SYTL2: variants seen among roughly 807,000 people sequenced by gnomAD.
SYTL2 encodes synaptotagmin-like protein 2.
SYTL2 carries 165 observed loss-of-function variants against 198.7 expected under a neutral mutation model. That is an observed-to-expected ratio of 0.83 (90% confidence interval 0.73 to 0.94). The LOEUF (loss-of-function observed/expected upper bound fraction) is 0.94, where lower values mean the gene tolerates loss of function less well. SYTL2 is among the 40% of genes least tolerant of loss of function. The probability of loss-of-function intolerance (pLI) is 0.00; values close to 1 mark genes in which losing one functional copy is unlikely to be tolerated. For synonymous variants in SYTL2, 966 were observed against 917.7 expected, an observed-to-expected ratio of 1.05 and a Z score of -0.95; for missense variants, 2,835 against 2,582.8, an observed-to-expected ratio of 1.10 and a Z score of -2.12.
chr11:85,730,503 T>C (rs887798204), intron 7 of SYTL2, among the ~76,000 whole-genome samples: 1 of 152,156 alleles, frequency 6.6e-6, no homozygotes, highest in Admixed American at 6.5e-5. Context: ...CACATGATTA[T>C]CTCAATAGAT....
chr11:85,727,154 C>T lies in SYTL2; in HGVS notation c.2204G>A (p.Ser735Asn). 1.3e-6 allele frequency: 2 copies of T among 1,536,426 alleles called. No homozygotes were observed. The highest frequency in any genetic ancestry group is 3.9e-5 in the Admixed American group (2 of 50,988). ...CAGGATATAGGTATTTCCTACTTTG[C>T]TCTTTCTCTCTGCATTCATGTTATC... ...LKDNMNAERKSKVGNTYILKA... is the reference protein window; with the variant it reads ...LKDNMNAERKNKVGNTYILKA... The change falls in exon 8 of 20, where the codon AGC becomes AAC. Residue 735 changes from serine (S) to asparagine (N), a missense_variant. Physicochemically the swap from Ser to Asn is conservative, Grantham distance 46. Around this residue, in one of 3 missense-constraint regions of SYTL2, gnomAD observed 2,645 missense variants for 2,381.7 expected, o/e 1.11. Transcript: ENST00000359152.
In SYTL2 at chr11:85,777,812, CT is replaced by C. The variant is rs57873368; in HGVS notation, c.-389-19699del. ...CTTACCAGAATTACAGGTCTTACTT[CT>C]TTTTTTTTTTTTTTTTTTTTTTTTG... On this transcript the variant is annotated intron_variant, in intron 1 of 19. Coordinates refer to ENST00000359152, the MANE Select transcript of SYTL2 (RefSeq NM_206927.4). Among the ~76,000 whole-genome samples, 336 of 63,316 alleles carry C rather than the reference CT, an allele frequency of 5.3e-3. 3 individuals are homozygous for C. The highest frequency in any genetic ancestry group is 0.017 in the African/African-American group (298 of 17,544). The allele number at this position is 63,316 out of a possible 152,430, so 41.5% of individuals were successfully genotyped here. A position where few individuals can be genotyped will look rare whatever the true frequency, so the allele number is the denominator to read the frequency against.
intron 1 of SYTL2, among the ~76,000 whole-genome samples, chr11:85,769,000 T>C (rs558015153): frequency 2.0e-5 from 3 of 152,078 alleles, no homozygotes; most frequent in Admixed American, 1.3e-4. Context: ...AGGCGCCTCA[T>C]TTATTGAGTA....
chr11:85,717,451 T>G, intron 11 of SYTL2, 32 bp downstream of exon 11: 1 of 1,584,032 alleles, frequency 6.3e-7, no homozygotes, highest in Non-Finnish European at 8.7e-7. Flanking sequence ...GTGGAATGTT[T>G]AGTCATTTGT....
intron 16 of SYTL2, among the ~76,000 whole-genome samples, chr11:85,701,024 T>C (rs1005056184): frequency 6.6e-6 from 1 of 152,218 alleles, no homozygotes; most frequent in African/African-American, 2.4e-5. Context: ...AGGCCATATC[T>C]TACATTTTCA....
At chr11:85,814,638 G>A (rs2093059414), upstream of SYTL2, among the ~76,000 whole-genome samples, 1 of 152,180 alleles carries the variant, frequency 6.6e-6, no homozygotes, top group African/African-American at 2.4e-5. Flanking sequence ...GTGGAAGGCT[G>A]GTGCTTTTAA....
intron 18 of SYTL2, among the ~76,000 whole-genome samples, chr11:85,696,726 A>T (rs2083460355): frequency 6.6e-6 from 1 of 152,210 alleles, no homozygotes; most frequent in Non-Finnish European, 1.5e-5. Flanking sequence ...ATTAGAATTA[A>T]ATAACATATG....
chr11:85,789,324 A>ATGTGTGTG (rs1173699592), intron 1 of SYTL2, among the ~76,000 whole-genome samples: 20 of 77,286 alleles, frequency 2.6e-4, no homozygotes, highest in African/African-American at 1.0e-3. Context: ...GTGTGTGTGT[A>ATGTGTGTG]TGTGTGTGTG....
the SYTL2 span, among the ~76,000 whole-genome samples, chr11:85,851,698 T>A: frequency 6.6e-6 from 1 of 152,372 alleles, no homozygotes; most frequent in East Asian, 1.9e-4. Flanking sequence ...ATTTTTTCAC[T>A]ATGGGCCCAG....
chr11:85,797,208 G>T (rs2092816396), intron 1 of SYTL2, among the ~76,000 whole-genome samples: 1 of 152,196 alleles, frequency 6.6e-6, no homozygotes, highest in African/African-American at 2.4e-5. Context: ...CTGAATTATA[G>T]TTTCCCTAGC....
Position 85,737,621 on chromosome 11 carries a change from T to A in SYTL2, c.425A>T (p.Asp142Val). ...SVVNPASSVI[D>V]MSQENTRKPN... ...TTTCCTTGTGTTTTCCTGGGACATA[T>A]CAATCACACTGGAAGCTGGATTTAC... is the stretch of plus-strand genomic sequence containing the variant. The change falls in exon 5 of 20, where the codon GAT becomes GTT. Residue 142 changes from aspartate (D) to valine (V), a missense_variant. Asp to Val is a radical substitution (Grantham distance 152). Transcript: ENST00000359152. 1 of 1,613,960 alleles carries A rather than the reference T, an allele frequency of 6.2e-7. No individual in the cohort carries two copies.
intron 16 of SYTL2, among the ~76,000 whole-genome samples, chr11:85,702,540 A>C (rs1165375040): frequency 6.6e-6 from 1 of 152,208 alleles, no homozygotes; most frequent in Non-Finnish European, 1.5e-5. Context: ...GCTGATTTTG[A>C]GAACTATTTC....
At chr11:85,739,583 C>T (rs912797296) in intron 4 of SYTL2, among the ~76,000 whole-genome samples, 1 of 152,068 alleles carries the variant, frequency 6.6e-6, no homozygotes, top group Non-Finnish European at 1.5e-5. Context: ...CTTTGTTTCT[C>T]TCAAGGGATA....
In SYTL2 at chr11:85,694,765, G is replaced by C. The variant is rs2083193874; in HGVS notation, c.*430C>G. ...CTGTCTCCATTCCCTGCTCCACTTT[G>C]AGTATCTTTCTGCGACTTTTTCCCA... is the stretch of plus-strand genomic sequence containing the variant. On this transcript the variant is annotated 3_prime_UTR_variant, in exon 20 of 20. Transcript: ENST00000359152. The C allele has an allele frequency of 6.6e-6, 1 of 151,984 alleles. No homozygotes were observed. The highest frequency in any genetic ancestry group is 6.6e-5 in the Admixed American group (1 of 15,198). The allele number at this position is 151,984 out of a possible 1,614,324, so 9.4% of individuals were successfully genotyped here. A position where few individuals can be genotyped will look rare whatever the true frequency, so the allele number is the denominator to read the frequency against.
chr11:85,743,556 C>T (rs2090948927), intron 4 of SYTL2, among the ~76,000 whole-genome samples: 1 of 151,910 alleles, frequency 6.6e-6, no homozygotes, highest in South Asian at 2.1e-4. Flanking sequence ...CTCACAATGT[C>T]CTGGTGAGGA....
chr11:85,708,031 T>C (rs752569358), intron 14 of SYTL2: 1 of 355,558 alleles, frequency 2.8e-6, no homozygotes, highest in South Asian at 2.1e-5. Context: ...GGTGTGGTGA[T>C]GCATGCCTGT....
intron 15 of SYTL2, among the ~76,000 whole-genome samples, 195 bp downstream of exon 15, chr11:85,707,234 T>C (rs1319204902): frequency 1.3e-5 from 2 of 152,204 alleles, no homozygotes; most frequent in African/African-American, 4.8e-5. Flanking sequence ...TGGCAGTTTA[T>C]ATATGGGGAG....
At chr11:85,737,489 C>A in intron 5 of SYTL2, 86 bp downstream of exon 5, 1 of 1,051,252 alleles carries the variant, frequency 9.5e-7, no homozygotes, top group Non-Finnish European at 1.4e-6. Context: ...CTACAAAATT[C>A]TCTTTATTTT....
chr11:85,824,771 G>A, the SYTL2 span, among the ~76,000 whole-genome samples: 1 of 152,222 alleles, frequency 6.6e-6, no homozygotes, highest in Non-Finnish European at 1.5e-5. Context: ...GGAAAAGAAA[G>A]TGCGGGCACT....
Sources: allele counts gnomAD v4.1 joint callset (sites outside exome capture counted in the v4.1 genomes callset), GRCh38; gene constraint gnomAD v4.1.1; regional missense constraint gnomAD v4.1.1; transcripts MANE v1.5; gene names NCBI Gene and HGNC (gene_info 2026-07-23, HGNC 2026-07-21).